The following DNAAF9 variants were observed in gnomAD, a reference collection of about 807,000 sequenced individuals.
DNAAF9 encodes the protein dynein axonemal assembly factor 9.
DNAAF9 carries 90 observed loss-of-function variants against 167.0 expected under a neutral mutation model. The observed-to-expected ratio is 0.54, with a 90% CI of 0.45 to 0.64. DNAAF9 has a LOEUF of 0.64. Among genes scored for constraint, DNAAF9 ranks in the 30% least tolerant of loss-of-function variants. The pLI, the probability that DNAAF9 is intolerant of heterozygous loss-of-function variation, is 0.00. For synonymous variants in DNAAF9, 491 were observed against 508.8 expected (o/e 0.96, Z 0.47); for missense variants, 1,315 against 1,442.2 (o/e 0.91, Z 1.43).
Position 3,376,167 on chromosome 20 carries a change from TTTC to T in DNAAF9, c.408+8_408+10del. ...GTGTCTCTAGGTGCCTGTCTTCTCTTTTCTTCTTACCTCATTTTCGGTCATGCA... is the reference window on the plus strand; with the variant it reads ...GTGTCTCTAGGTGCCTGTCTTCTCTTTTCTTACCTCATTTTCGGTCATGCA... On this transcript the variant is annotated splice_region_variant and intron_variant, in intron 4 of 36. Transcript: ENST00000252032. The T allele has an allele frequency of 1.9e-6, 3 of 1,611,256 alleles. No homozygotes were observed. In the South Asian group the frequency reaches 3.3e-5, roughly 18 times the overall value.
rs1380766104 is a variant in DNAAF9, at chr20:3,264,384, T to C, written c.2873+54A>G. 6.1e-6 allele frequency: 5 copies of C among 821,292 alleles called. No individual in the cohort carries two copies. The East Asian group carries it at 1.2e-4, about 20-fold the overall frequency. 50.9% of individuals were successfully genotyped at this position (821,292 alleles called of 1,614,324 possible). A position where few individuals can be genotyped will look rare whatever the true frequency, so the allele number is the denominator to read the frequency against. ...CTCTTTTTTTTTTTCTGTAAATAAA[T>C]AAATCATTGGGTTTACAAAAAAATC... On this transcript the variant is annotated intron_variant, in intron 31 of 36. Transcript: ENST00000252032.
chr20:3,290,223 T>C lies in DNAAF9; in HGVS notation c.2239-6A>G. The C allele has an allele frequency of 6.3e-7, 1 of 1,587,786 alleles. No homozygotes were observed. Among genetic ancestry groups the C allele is most frequent in the Non-Finnish European group, 8.7e-7 (1 of 1,156,058 alleles). On this transcript the variant is annotated splice_region_variant and splice_polypyrimidine_tract_variant and intron_variant, in intron 25 of 36. Coordinates refer to ENST00000252032, the MANE Select transcript of DNAAF9 (RefSeq NM_001009984.3). ...GTTACAATGCTGATAATTACCTACA[T>C]GAAGAAAAAGTCATGGGTTTGCAAT... is the stretch of plus-strand genomic sequence containing the variant.
At chr20:3,306,136 G>A (rs1167338695) in intron 20 of DNAAF9, among the ~76,000 whole-genome samples, 3 of 152,032 alleles carry the variant, frequency 2.0e-5, no homozygotes, top group African/African-American at 7.3e-5. Flanking sequence ...CCCTTCCAAT[G>A]CCAACACTCC....
intron 1 of DNAAF9, among the ~76,000 whole-genome samples, chr20:3,391,684 G>A (rs552600779): frequency 4.8e-4 from 72 of 150,294 alleles, no homozygotes; most frequent in Admixed American, 1.1e-3. Context: ...GGGTTCAAGC[G>A]TTTCTCCTGC....
intron 7 of DNAAF9, among the ~76,000 whole-genome samples, chr20:3,350,905 A>G (rs1490957474): frequency 6.6e-6 from 1 of 152,164 alleles, no homozygotes; most frequent in Non-Finnish European, 1.5e-5. Context: ...TATACAATAT[A>G]TTTATGTATA....
chr20:3,313,734 CA>C (rs2069453683), intron 20 of DNAAF9, among the ~76,000 whole-genome samples: 1 of 152,170 alleles, frequency 6.6e-6, no homozygotes, highest in Admixed American at 6.5e-5. Flanking sequence ...GTTGGACCCT[CA>C]AAATTCTACT....
chr20:3,303,158 C>T (rs1476309001), intron 21 of DNAAF9, among the ~76,000 whole-genome samples: 2 of 151,462 alleles, frequency 1.3e-5, no homozygotes, highest in Non-Finnish European at 2.9e-5. Flanking sequence ...GGGAGAATGG[C>T]GTGAACCAGG....
intron 10 of DNAAF9, among the ~76,000 whole-genome samples, chr20:3,332,896 G>A (rs1346018315): frequency 1.3e-5 from 1 of 79,486 alleles, no homozygotes; most frequent in Non-Finnish European, 2.6e-5. Flanking sequence ...GCGTGTGTGC[G>A]TGTGGTGTGT....
intron 1 of DNAAF9, among the ~76,000 whole-genome samples, chr20:3,387,573 C>T (rs1165650161): frequency 1.3e-5 from 2 of 152,036 alleles, no homozygotes; most frequent in South Asian, 2.1e-4. Flanking sequence ...TTGTGACATT[C>T]GATTTGGCAA....
At chr20:3,398,754 C>A (rs1380632219) in intron 1 of DNAAF9, among the ~76,000 whole-genome samples, 1 of 152,140 alleles carries the variant, frequency 6.6e-6, no homozygotes, top group Non-Finnish European at 1.5e-5. Context: ...AAAAAGAGCT[C>A]ATTGCAGGAC....
chr20:3,378,378 G>A (rs1332784089), intron 3 of DNAAF9, among the ~76,000 whole-genome samples: 1 of 152,224 alleles, frequency 6.6e-6, no homozygotes, highest in Non-Finnish European at 1.5e-5. Context: ...CTGGGAGGAA[G>A]GAAGTAGAGG....
intron 3 of DNAAF9, among the ~76,000 whole-genome samples, chr20:3,379,351 C>G (rs895891221): frequency 2.7e-5 from 4 of 149,356 alleles, no homozygotes; most frequent in Non-Finnish European, 6.0e-5. Flanking sequence ...GTGGCTCATG[C>G]CTATAATCCC....
chr20:3,274,626 C>CA, intron 29 of DNAAF9, among the ~76,000 whole-genome samples: 1 of 152,310 alleles, frequency 6.6e-6, no homozygotes, highest in South Asian at 2.1e-4. Context: ...AAGATGGGAA[C>CA]CGTAACACAT....
At chr20:3,330,709 G>A in intron 11 of DNAAF9, 27 bp from the exon 12 acceptor site, 1 of 1,515,586 alleles carries the variant, frequency 6.6e-7, no homozygotes, top group South Asian at 1.1e-5. Flanking sequence ...CTAAGAATGT[G>A]ACAAGAGCAC....
At chr20:3,381,620 T>C (rs1466904365) in intron 2 of DNAAF9, 122 bp from the exon 3 acceptor site, 5 of 938,558 alleles carry the variant, frequency 5.3e-6, no homozygotes, top group Non-Finnish European at 6.1e-6. Flanking sequence ...CAGACCAGTT[T>C]TGTGCCAGAA....
intron 14 of DNAAF9, 24 bp from the exon 15 acceptor site, chr20:3,322,720 AG>A: frequency 6.3e-7 from 1 of 1,589,422 alleles, no homozygotes; most frequent in East Asian, 2.2e-5. Flanking sequence ...ACAAAACAAA[AG>A]AAAAATCAGT....
chr20:3,372,532 G>A (rs920456616), intron 6 of DNAAF9, among the ~76,000 whole-genome samples: 4 of 152,144 alleles, frequency 2.6e-5, no homozygotes, highest in African/African-American at 9.7e-5. Context: ...TTTTTGGAAG[G>A]AGATAACGTT....
chr20:3,364,956 T>C (rs1281421201), intron 6 of DNAAF9, among the ~76,000 whole-genome samples: 2 of 150,986 alleles, frequency 1.3e-5, no homozygotes, highest in Non-Finnish European at 1.5e-5. Context: ...TCTTTTTTTT[T>C]TTTTTGAAAT....
intron 8 of DNAAF9, among the ~76,000 whole-genome samples, chr20:3,347,741 G>C (rs1015962742): frequency 1.3e-5 from 2 of 152,020 alleles, no homozygotes; most frequent in Non-Finnish European, 2.9e-5. Context: ...TGGTCAACAT[G>C]GTAAAACCCA....
Sources: gnomAD v4.1 joint callset for allele counts (sites outside exome capture counted in the v4.1 genomes callset) on GRCh38, gnomAD v4.1.1 for gene constraint, MANE v1.5 for transcripts, NCBI Gene and HGNC (gene_info 2026-07-23, HGNC 2026-07-21) for gene names.